DNAH12: variants seen among roughly 807,000 people sequenced by gnomAD.
DNAH12 encodes dynein axonemal heavy chain 12.
In DNAH12, 285 loss-of-function variants were observed where a neutral mutation model predicts 371.5. The observed-to-expected ratio is 0.77, with a 90% CI of 0.70 to 0.85. DNAH12 has a LOEUF of 0.85. DNAH12 is among the 40% of genes least tolerant of loss of function. The pLI is 0.00. For missense variants in DNAH12, 3,611 were observed against 3,689.4 expected (o/e 0.98, Z 0.55); for synonymous variants, 1,200 against 1,213.0 (o/e 0.99, Z 0.22).
chr3:57,319,950 T>A (rs996572840), intron 65 of DNAH12, among the ~76,000 whole-genome samples: 2 of 152,168 alleles, frequency 1.3e-5, no homozygotes, highest in African/African-American at 2.4e-5. Context: ...AGTGAGATGA[T>A]CATGTGATTT....
chr3:57,459,197 C>A (rs1041855279), intron 20 of DNAH12, among the ~76,000 whole-genome samples: 12 of 152,166 alleles, frequency 7.9e-5, no homozygotes, highest in African/African-American at 2.9e-4. Context: ...TCCGAGTACA[C>A]AGAGTCACTA....
chr3:57,510,047 T>C (rs1209767198), intron 5 of DNAH12, among the ~76,000 whole-genome samples: 1 of 151,904 alleles, frequency 6.6e-6, no homozygotes, highest in African/African-American at 2.4e-5. Flanking sequence ...ATTCCACACA[T>C]ATTTCAAAAC....
chr3:57,298,547 T>C (rs2061280246), intron 70 of DNAH12, among the ~76,000 whole-genome samples: 1 of 152,234 alleles, frequency 6.6e-6, no homozygotes, highest in African/African-American at 2.4e-5. Flanking sequence ...GGGAACAAAC[T>C]TCATTTTTGC....
intron 51 of DNAH12, 72 bp from the exon 52 acceptor site, chr3:57,379,370 T>A (rs982322951): frequency 1.3e-5 from 2 of 152,122 alleles, no homozygotes; most frequent in South Asian, 4.1e-4. Context: ...AAAAATCATA[T>A]ACAATAAAAA....
At chr3:57,524,687 C>T (rs1279241198) in intron 2 of DNAH12, among the ~76,000 whole-genome samples, 1 of 152,002 alleles carries the variant, frequency 6.6e-6, no homozygotes, top group Non-Finnish European at 1.5e-5. Flanking sequence ...ATACATGTTA[C>T]CATTAGCAAT....
intron 13 of DNAH12, among the ~76,000 whole-genome samples, chr3:57,480,851 CT>C (rs1272235435): frequency 6.6e-6 from 1 of 152,152 alleles, no homozygotes; most frequent in African/African-American, 2.4e-5. Context: ...CGGAAAAGGC[CT>C]TTGACAAAAT....
chr3:57,304,251 G>A (rs1298309276), intron 69 of DNAH12, among the ~76,000 whole-genome samples: 1 of 152,150 alleles, frequency 6.6e-6, no homozygotes, highest in Non-Finnish European at 1.5e-5. Context: ...CTCTCCACAT[G>A]GAAGCGAGTG....
chr3:57,302,041 T>C (rs2107655012), intron 69 of DNAH12, 102 bp from the exon 70 acceptor site: 2 of 1,279,350 alleles, frequency 1.6e-6, no homozygotes, highest in Admixed American at 4.5e-5. Context: ...TTTATGGGAT[T>C]GCTTCCCAAA....
chr3:57,388,631 T>C (rs897186135), intron 45 of DNAH12, among the ~76,000 whole-genome samples: 6 of 152,120 alleles, frequency 3.9e-5, no homozygotes, highest in African/African-American at 7.2e-5. Flanking sequence ...TTAAATGTCA[T>C]ATAACTTACA....
At chr3:57,405,301 A>T (rs1275998916) in intron 41 of DNAH12, among the ~76,000 whole-genome samples, 154 bp from the exon 42 acceptor site, 1 of 152,230 alleles carries the variant, frequency 6.6e-6, no homozygotes, top group Non-Finnish European at 1.5e-5. Flanking sequence ...ACCTGAAATT[A>T]TATCCTTAGG....
intron 69 of DNAH12, 51 bp from the exon 70 acceptor site, chr3:57,301,990 G>T (rs994398233): frequency 1.2e-5 from 18 of 1,504,072 alleles, no homozygotes; most frequent in Non-Finnish European, 1.5e-5. Flanking sequence ...ATCAACATAC[G>T]GTCTTTCCAG....
intron 2 of DNAH12, among the ~76,000 whole-genome samples, chr3:57,541,196 C>T (rs138215836): frequency 2.0e-4 from 31 of 151,914 alleles, no homozygotes; most frequent in Middle Eastern, 3.4e-3. Flanking sequence ...CCTGCCACCA[C>T]GCCAAGCTAA....
intron 27 of DNAH12, 31 bp from the exon 28 acceptor site, chr3:57,445,450 G>A (rs186016609): frequency 6.3e-6 from 9 of 1,435,044 alleles, no homozygotes; most frequent in Middle Eastern, 1.8e-4. Flanking sequence ...AATATATTAC[G>A]TACATAAATG....
chr3:57,394,192 A>G lies in DNAH12; in HGVS notation c.7089T>C (p.Asp2363=), dbSNP rs1398192241. ...TGEVPNIFAA[D]EKQEVMEGVR... ...TTACCTCCATCACTTCCTGCTTCTC[A>G]TCTGCTGCAAAAATGTTAGGCACTT... The change falls in exon 44 of 74, where the codon GAT becomes GAC. Residue 2363 remains aspartate (D), a synonymous_variant. Coordinates refer to ENST00000495027, the MANE Select transcript of DNAH12 (RefSeq NM_001366028.2). 6.6e-6 allele frequency: 1 copy of G among 152,192 alleles called. No homozygotes were observed. Among genetic ancestry groups the G allele is most frequent in the Non-Finnish European group, 1.5e-5 (1 of 68,030 alleles). The allele number at this position is 152,192 out of a possible 1,614,324, so 9.4% of individuals were successfully genotyped here.
At chr3:57,424,515 C>T (rs1377300969) in intron 35 of DNAH12, among the ~76,000 whole-genome samples, 4 of 149,322 alleles carry the variant, frequency 2.7e-5, no homozygotes, top group Non-Finnish European at 5.9e-5. Flanking sequence ...CGGTGGCTCA[C>T]GCCAGTAATC....
intron 37 of DNAH12, among the ~76,000 whole-genome samples, chr3:57,416,287 C>T (rs1267246207): frequency 5.3e-5 from 8 of 151,946 alleles, no homozygotes; most frequent in Non-Finnish European, 8.8e-5. Flanking sequence ...AGACAGGGCC[C>T]GGCTATGTTG....
At chr3:57,357,647 A>G (rs1439163014) in intron 58 of DNAH12, among the ~76,000 whole-genome samples, 1 of 152,180 alleles carries the variant, frequency 6.6e-6, no homozygotes, top group African/African-American at 2.4e-5. Context: ...GCTACCAACC[A>G]TCTCTTTCTT....
Position 57,428,754 on chromosome 3 carries a change from A to C in DNAH12, c.5132T>G (p.Val1711Gly). 6.4e-7 allele frequency: 1 copy of C among 1,551,594 alleles called. No homozygotes were observed. Among genetic ancestry groups the C allele is most frequent in the Non-Finnish European group, 8.7e-7 (1 of 1,146,944 alleles). The change falls in exon 34 of 74, where the codon GTG becomes GGG. Residue 1711 changes from valine to glycine, a missense_variant. This residue lies in a region of DNAH12 where 2,266 missense variants were observed against 2,236.9 expected (regional missense o/e 1.01). Transcript: ENST00000495027. Reference sequence around the variant, plus strand: ...TTTCAGTGAATTCAACCAAGAAGACACAAGTGGTTCCCATCCTAACTGTGA... The same window carrying C: ...TTTCAGTGAATTCAACCAAGAAGACCCAAGTGGTTCCCATCCTAACTGTGA... ...EPSQLGWEPL[V>G]SSWLNSLKGP...
chr3:57,499,528 T>C (rs1198811651), intron 11 of DNAH12, among the ~76,000 whole-genome samples: 3 of 147,860 alleles, frequency 2.0e-5, no homozygotes, highest in African/African-American at 7.5e-5. Context: ...GTGTGGTGGC[T>C]CATGCCTACA....
Sources: allele counts gnomAD v4.1 joint callset (sites outside exome capture counted in the v4.1 genomes callset), GRCh38; gene constraint gnomAD v4.1.1; regional missense constraint gnomAD v4.1.1; transcripts MANE v1.5; gene names NCBI Gene and HGNC (gene_info 2026-07-23, HGNC 2026-07-21).